Variants in EPS15 observed in about 807,000 individuals in gnomAD.
The protein encoded by EPS15 is epidermal growth factor receptor pathway substrate 15.
Under a neutral mutation model 113.8 loss-of-function variants are expected in EPS15, and 72 were observed. That is an observed-to-expected ratio of 0.63 (90% CI 0.52 to 0.77). The LOEUF (loss-of-function observed/expected upper bound fraction) is 0.77. Among genes scored for constraint, EPS15 ranks in the 30% least tolerant of loss-of-function variants. The pLI, the probability that EPS15 is intolerant of heterozygous loss-of-function variation, is 0.00. For synonymous variants in EPS15, 344 were observed against 363.4 expected, an observed-to-expected ratio of 0.95 and a Z score of 0.61; for missense variants, 1,048 against 1,045.8, an observed-to-expected ratio of 1.00 and a Z score of -0.03.
At chr1:51,435,245 T>G (rs1652056666) in intron 12 of EPS15, among the ~76,000 whole-genome samples, 1 of 152,030 alleles carries the variant, frequency 6.6e-6, no homozygotes. Flanking sequence ...TGGAGTGATC[T>G]CGGCTGTGAG....
At chr1:51,508,497 A>C (rs1343644509) in intron 1 of EPS15, among the ~76,000 whole-genome samples, 1 of 152,158 alleles carries the variant, frequency 6.6e-6, no homozygotes, top group Non-Finnish European at 1.5e-5. Context: ...CATCATACAT[A>C]AGCAAATGAA....
At chr1:51,436,442 AATT>A (rs1652158662) in intron 12 of EPS15, among the ~76,000 whole-genome samples, 1 of 152,224 alleles carries the variant, frequency 6.6e-6, no homozygotes, top group Non-Finnish European at 1.5e-5. Context: ...ATATTGAAAA[AATT>A]ATTTTCTCAT....
intron 11 of EPS15, among the ~76,000 whole-genome samples, chr1:51,444,417 GCA>G (rs1652845752): frequency 6.6e-6 from 1 of 152,136 alleles, no homozygotes; most frequent in South Asian, 2.1e-4. Context: ...AGCAAAAACC[GCA>G]CAGATACATC....
Position 51,399,986 on chromosome 1 carries a change from A to T in EPS15, c.1919-821T>A, listed in dbSNP as rs548870516. ...CCTTCCACCTAATAAACTTATTTTTAAAATTAACATATAATTTCAAGGGAT... is the reference window on the plus strand; with the variant it reads ...CCTTCCACCTAATAAACTTATTTTTTAAATTAACATATAATTTCAAGGGAT... On this transcript the variant is annotated intron_variant, in intron 19 of 24. Coordinates refer to ENST00000371733, the MANE Select transcript of EPS15 (RefSeq NM_001981.3). 1.8e-4 allele frequency among the ~76,000 whole-genome samples: 27 copies of T among 152,352 alleles called. 1 individual carries two copies. The highest frequency in any genetic ancestry group is 1.0e-3 in the Admixed American group (16 of 15,308).
chr1:51,363,968 T>C lies in EPS15; in HGVS notation c.2257A>G (p.Thr753Ala), dbSNP rs780732806. 1.2e-6 allele frequency: 2 copies of C among 1,614,036 alleles called. No individual in the cohort carries two copies. Among genetic ancestry groups the C allele is most frequent in the Non-Finnish European group, 1.7e-6 (2 of 1,179,936 alleles). ...TSSSVSNVVITKNVFEETSVK... is the reference protein window; with the variant it reads ...TSSSVSNVVIAKNVFEETSVK... Reference sequence around the variant, plus strand: ...GATGTTTCCTCAAATACATTTTTTGTAATCACTACGTTGCTGACAGAGCTC... The same window carrying C: ...GATGTTTCCTCAAATACATTTTTTGCAATCACTACGTTGCTGACAGAGCTC... The change falls in exon 23 of 25, where the codon ACA becomes GCA. Residue 753 changes from threonine to alanine, a missense_variant. Transcript: ENST00000371733.
At chr1:51,493,521 T>A (rs1644275016) in intron 1 of EPS15, among the ~76,000 whole-genome samples, 1 of 136,928 alleles carries the variant, frequency 7.3e-6, no homozygotes, top group Non-Finnish European at 1.6e-5. Flanking sequence ...CAAGACTCAG[T>A]CTCAAATTAA....
At chr1:51,517,878 ATTT>A (rs1274949093) in intron 1 of EPS15, among the ~76,000 whole-genome samples, 1 of 152,094 alleles carries the variant, frequency 6.6e-6, no homozygotes, top group East Asian at 1.9e-4. Flanking sequence ...CTGAGAAAAC[ATTT>A]TTTTCTCTCT....
intron 17 of EPS15, 127 bp downstream of exon 17, chr1:51,403,292 G>A (rs1050102821): frequency 2.0e-5 from 9 of 455,832 alleles, no homozygotes; most frequent in Middle Eastern, 3.2e-4. Context: ...AGGTGAAGTC[G>A]GGGCTTTTGA....
chr1:51,429,033 A>T (rs1300602141), intron 12 of EPS15, among the ~76,000 whole-genome samples: 2 of 152,114 alleles, frequency 1.3e-5, no homozygotes, highest in East Asian at 3.8e-4. Flanking sequence ...CTAGGTCTAC[A>T]GGTATGCACC....
intron 20 of EPS15, among the ~76,000 whole-genome samples, chr1:51,396,740 C>T (rs981195249): frequency 2.6e-5 from 4 of 152,108 alleles, no homozygotes; most frequent in African/African-American, 9.7e-5. Flanking sequence ...TAAGGGGCCA[C>T]AAAACTCTAT....
intron 1 of EPS15, among the ~76,000 whole-genome samples, chr1:51,502,388 T>C (rs1028208605): frequency 6.6e-6 from 1 of 152,196 alleles, no homozygotes; most frequent in African/African-American, 2.4e-5. Context: ...ATAGCTGAAC[T>C]AGGCACTTTT....
intron 8 of EPS15, 81 bp downstream of exon 8, chr1:51,461,010 T>C: frequency 1.1e-6 from 1 of 923,318 alleles, no homozygotes; most frequent in African/African-American, 1.7e-5. Context: ...AGTTTTCCTC[T>C]AAGGATGAAC....
chr1:51,376,302 G>C (rs980598258), intron 21 of EPS15, among the ~76,000 whole-genome samples: 46 of 152,172 alleles, frequency 3.0e-4, no homozygotes, highest in Admixed American at 2.4e-3. Context: ...GCTGTTTATG[G>C]CATGTTTTAC....
At chr1:51,497,560 T>C (rs551548460) in intron 1 of EPS15, among the ~76,000 whole-genome samples, 3 of 152,348 alleles carry the variant, frequency 2.0e-5, no homozygotes, top group African/African-American at 7.2e-5. Flanking sequence ...GCAAGGCAGC[T>C]TGAATAGGCC....
At chr1:51,393,035 TAA>T (rs940198206) in intron 21 of EPS15, among the ~76,000 whole-genome samples, 2 of 152,242 alleles carry the variant, frequency 1.3e-5, no homozygotes, top group South Asian at 2.1e-4. Flanking sequence ...GCTCTCATTC[TAA>T]GTTTCTATTT....
At chr1:51,398,960 A>G in intron 20 of EPS15, 72 bp downstream of exon 20, 1 of 1,306,866 alleles carries the variant, frequency 7.7e-7, no homozygotes, top group Non-Finnish European at 1.1e-6. Flanking sequence ...TTTCATCACT[A>G]TGTATTTCAA....
At position 51,393,463 on chromosome 1, in the gene EPS15, A is replaced by G. The variant is rs188558470; in HGVS notation, c.2119+918T>C. On this transcript the variant is annotated intron_variant, in intron 21 of 24. Transcript: ENST00000371733. ...GTGATCTACCTGCCTTGGTTTCCCA[A>G]AATGCTGGGATTACAGGCGTGAGCC... 2.8e-3 allele frequency among the ~76,000 whole-genome samples: 429 copies of G among 152,324 alleles called. 1 individual carries two copies. Among genetic ancestry groups the G allele is most frequent in the Non-Finnish European group, 4.2e-3 (284 of 68,036 alleles).
At chr1:51,512,184 A>C (rs375468605) in intron 1 of EPS15, among the ~76,000 whole-genome samples, 1 of 152,188 alleles carries the variant, frequency 6.6e-6, no homozygotes, top group Non-Finnish European at 1.5e-5. Flanking sequence ...AAACTACAGG[A>C]GTAGCTAAAG....
chr1:51,419,162 A>T (rs1650513752), intron 13 of EPS15, among the ~76,000 whole-genome samples: 1 of 152,138 alleles, frequency 6.6e-6, no homozygotes, highest in African/African-American at 2.4e-5. Context: ...TCCCCCTTGG[A>T]ATTGGATCAC....
Sources: allele counts gnomAD v4.1 joint callset (sites outside exome capture counted in the v4.1 genomes callset), GRCh38; gene constraint gnomAD v4.1.1; transcripts MANE v1.5; gene names NCBI Gene and HGNC (gene_info 2026-07-23, HGNC 2026-07-21).